The following EYS variants were observed in gnomAD, a reference collection of about 807,000 sequenced individuals.
The protein encoded by EYS is EGF-like photoreceptor maintenance factor.
A neutral mutation model predicts 282.1 loss-of-function variants in EYS; 250 were observed. That is an observed-to-expected ratio of 0.89 (90% confidence interval 0.80 to 0.98). The LOEUF (loss-of-function observed/expected upper bound fraction) is 0.98, where lower values mean the gene tolerates loss of function less well. EYS is among the 50% of genes least tolerant of loss of function. EYS has a pLI of 0.00. For synonymous variants in EYS, 1,355 were observed against 1,282.9 expected, an observed-to-expected ratio of 1.06 and a Z score of -1.20; for missense variants, 4,016 against 3,709.0, an observed-to-expected ratio of 1.08 and a Z score of -2.15.
intron 35 of EYS, among the ~76,000 whole-genome samples, chr6:63,867,371 A>G (rs1308924780): frequency 2.0e-5 from 3 of 152,176 alleles, no homozygotes; most frequent in African/African-American, 7.2e-5. Flanking sequence ...AACCACATAG[A>G]AACCTTTTTT....
At chr6:64,296,369 T>C (rs1413763545) in intron 30 of EYS, among the ~76,000 whole-genome samples, 2 of 152,106 alleles carry the variant, frequency 1.3e-5, no homozygotes, top group African/African-American at 4.8e-5. Flanking sequence ...TTCTTATCAT[T>C]ACTTTTATTT....
intron 1 of EYS, among the ~76,000 whole-genome samples, chr6:65,660,219 A>T (rs1014648780): frequency 1.2e-4 from 18 of 151,816 alleles, no homozygotes; most frequent in African/African-American, 4.1e-4. Context: ...GAATTAGGGA[A>T]TAAATACTAT....
intron 19 of EYS, among the ~76,000 whole-genome samples, chr6:64,836,419 G>A (rs1419215177): frequency 6.6e-6 from 1 of 151,120 alleles, no homozygotes; most frequent in Non-Finnish European, 1.5e-5. Flanking sequence ...AACTAATGAA[G>A]ATCTTTATGC....
chr6:64,583,672 G>A (rs1240420172), intron 26 of EYS, among the ~76,000 whole-genome samples: 2 of 152,046 alleles, frequency 1.3e-5, no homozygotes, highest in Admixed American at 6.6e-5. Flanking sequence ...ACAGATGCCT[G>A]TTATCCCAGC....
intron 13 of EYS, among the ~76,000 whole-genome samples, chr6:65,053,677 A>G (rs1291069424): frequency 6.6e-6 from 1 of 151,870 alleles, no homozygotes; most frequent in Non-Finnish European, 1.5e-5. Flanking sequence ...TAGGATTTGC[A>G]AGCAAAGAGA....
intron 5 of EYS, among the ~76,000 whole-genome samples, chr6:65,422,003 A>G (rs1767484200): frequency 6.6e-6 from 1 of 151,962 alleles, no homozygotes; most frequent in African/African-American, 2.4e-5. Flanking sequence ...GGTGACAGAG[A>G]CACAAAGTGA....
chr6:65,088,245 T>A (rs1774444899), intron 12 of EYS, among the ~76,000 whole-genome samples: 2 of 151,960 alleles, frequency 1.3e-5, no homozygotes, highest in South Asian at 4.2e-4. Context: ...CCCAGAAATG[T>A]GGAAGCAACT....
At chr6:65,412,734 G>A (rs996780000) in intron 5 of EYS, among the ~76,000 whole-genome samples, 1 of 151,884 alleles carries the variant, frequency 6.6e-6, no homozygotes, top group South Asian at 2.1e-4. Flanking sequence ...CTATATATGA[G>A]TCCTTTGTCA....
At position 65,044,970 on chromosome 6, in the gene EYS, T is replaced by A. The variant is rs1350412654; in HGVS notation, c.2137+12644A>T. Among the ~76,000 whole-genome samples, 7 of 151,826 alleles carry A rather than the reference T, an allele frequency of 4.6e-5. No individual in the cohort carries two copies. In the Admixed American group the frequency reaches 4.6e-4, roughly 10 times the overall value. On this transcript the variant is annotated intron_variant, in intron 13 of 42. Coordinates refer to ENST00000503581, the MANE Select transcript of EYS (RefSeq NM_001142800.2). ...TATCAGACTGAAGGTAGCCCTCAGG[T>A]GAAAAGCAATAGAAATACACATTTT...
At chr6:64,997,752 T>C (rs1306915156) in intron 13 of EYS, 49 bp from the exon 14 acceptor site, 3 of 1,508,302 alleles carry the variant, frequency 2.0e-6, no homozygotes, top group Admixed American at 4.2e-5. Context: ...TTAACCTTAG[T>C]ACAGGTAATT....
At chr6:64,784,521 T>A (rs1467317590) in intron 22 of EYS, among the ~76,000 whole-genome samples, 1 of 152,188 alleles carries the variant, frequency 6.6e-6, no homozygotes, top group African/African-American at 2.4e-5. Flanking sequence ...GAGGGCAGGA[T>A]TTTTTGACTG....
chr6:64,450,490 G>A (rs1027722282), intron 26 of EYS, among the ~76,000 whole-genome samples: 2 of 152,112 alleles, frequency 1.3e-5, no homozygotes, highest in Admixed American at 1.3e-4. Flanking sequence ...ATTGAACTCA[G>A]CTCTGCACCA....
chr6:63,951,010 C>T (rs1035051229), intron 35 of EYS, among the ~76,000 whole-genome samples: 3 of 152,068 alleles, frequency 2.0e-5, no homozygotes, highest in Admixed American at 6.6e-5. Flanking sequence ...CTGATCACCA[C>T]GGGGATGCCT....
At chr6:64,260,307 C>T (rs1254443024) in intron 30 of EYS, among the ~76,000 whole-genome samples, 7 of 152,100 alleles carry the variant, frequency 4.6e-5, no homozygotes, top group Admixed American at 1.3e-4. Flanking sequence ...CTTATATTTA[C>T]GGGTGAAACA....
At chr6:64,801,787 C>G (rs1764237334) in intron 22 of EYS, among the ~76,000 whole-genome samples, 1 of 151,982 alleles carries the variant, frequency 6.6e-6, no homozygotes, top group Non-Finnish European at 1.5e-5. Flanking sequence ...CATAAATTGG[C>G]AAGCCAGGCT....
At chr6:65,167,209 C>T (rs567011468) in intron 12 of EYS, among the ~76,000 whole-genome samples, 1 of 151,216 alleles carries the variant, frequency 6.6e-6, no homozygotes, top group South Asian at 2.1e-4. Context: ...CATATACCCA[C>T]ACAAAAATAT....
intron 28 of EYS, among the ~76,000 whole-genome samples, chr6:64,392,609 C>G (rs928969910): frequency 4.0e-5 from 6 of 151,412 alleles, no homozygotes; most frequent in Non-Finnish European, 7.4e-5. Context: ...ACCAGAATCT[C>G]TGGGACGCAT....
At chr6:64,526,170 C>T (rs1460314872) in intron 26 of EYS, among the ~76,000 whole-genome samples, 1 of 151,444 alleles carries the variant, frequency 6.6e-6, no homozygotes, top group Non-Finnish European at 1.5e-5. Context: ...TAGTGATTGC[C>T]AGGGTTTAAG....
chr6:65,542,820 T>G (rs1417532401), intron 2 of EYS, among the ~76,000 whole-genome samples: 1 of 152,172 alleles, frequency 6.6e-6, no homozygotes, highest in Non-Finnish European at 1.5e-5. Context: ...TGAATTTTTT[T>G]AAAGACATGC....
Sources: gnomAD v4.1 joint callset for allele counts (sites outside exome capture counted in the v4.1 genomes callset) on GRCh38, gnomAD v4.1.1 for gene constraint, MANE v1.5 for transcripts, NCBI Gene and HGNC (gene_info 2026-07-23, HGNC 2026-07-21) for gene names.